CTSO: variants seen among roughly 807,000 people sequenced by gnomAD.
CTSO encodes cathepsin O.
Under a neutral mutation model 42.4 loss-of-function variants are expected in CTSO, and 40 were observed. The ratio of observed to expected loss-of-function variants is 0.94; its 90% CI spans 0.73 to 1.23. The LOEUF is 1.23. CTSO is among the 50% of genes most tolerant of loss of function. CTSO has a pLI of 0.00. For missense variants in CTSO, 441 were observed against 396.0 expected (o/e 1.11, Z -0.96); for synonymous variants, 156 against 146.2 (o/e 1.07, Z -0.48).
At chr4:155,951,288 G>A (rs1579351113) in intron 1 of CTSO, among the ~76,000 whole-genome samples, 1 of 152,116 alleles carries the variant, frequency 6.6e-6, no homozygotes, top group East Asian at 1.9e-4. Context: ...AATACCAAAT[G>A]TTCTGTGGTA....
intron 1 of CTSO, among the ~76,000 whole-genome samples, chr4:155,950,184 T>C (rs1380800402): frequency 6.6e-6 from 1 of 152,252 alleles, no homozygotes; most frequent in Non-Finnish European, 1.5e-5. Context: ...TAAAAATACA[T>C]TCTTTTGTGA....
In CTSO at chr4:155,925,932, G is replaced by T; in HGVS notation, c.*104C>A. ...CTACTAGGCCTTAGAATCTTTTGTAGGTAGTTGCTGAAACTTGAAGTTGAA... is the reference window on the plus strand; with the variant it reads ...CTACTAGGCCTTAGAATCTTTTGTATGTAGTTGCTGAAACTTGAAGTTGAA... On this transcript the variant is annotated 3_prime_UTR_variant, in exon 8 of 8. Transcript: ENST00000433477. 1 of 939,984 alleles carries T rather than the reference G, an allele frequency of 1.1e-6. No homozygotes were observed. The allele number at this position is 939,984 out of a possible 1,614,324, so 58.2% of individuals were successfully genotyped here.
intron 7 of CTSO, 66 bp from the exon 8 acceptor site, chr4:155,926,136 A>C: frequency 8.1e-7 from 1 of 1,233,600 alleles, no homozygotes. Context: ...TGTAAATTAA[A>C]GCAATTTTTC....
At chr4:155,935,193 C>G (rs986982691) in intron 5 of CTSO, among the ~76,000 whole-genome samples, 1 of 152,114 alleles carries the variant, frequency 6.6e-6, no homozygotes, top group South Asian at 2.1e-4. Context: ...CTCTTGCTGC[C>G]GCCACGTAAG....
In CTSO at chr4:155,925,755, G is replaced by C. The variant is rs146568350; in HGVS notation, c.*281C>G. On this transcript the variant is annotated 3_prime_UTR_variant, in exon 8 of 8. Coordinates refer to ENST00000433477, the MANE Select transcript of CTSO (RefSeq NM_001334.3). The stretch of plus-strand genomic sequence containing the variant: ...AAACAGTAGCCTTCCCCAGTTGCAG[G>C]GGCCTAAAATATCTCCTAATCTGAA... 11 of 390,840 alleles carry C rather than the reference G, an allele frequency of 2.8e-5. No individual in the cohort carries two copies. The highest frequency in any genetic ancestry group is 1.5e-4 in the African/African-American group (7 of 48,134). 24.2% of individuals were successfully genotyped at this position (390,840 alleles called of 1,614,324 possible).
intron 2 of CTSO, 52 bp from the exon 3 acceptor site, chr4:155,942,508 T>C: frequency 2.6e-6 from 2 of 762,870 alleles, no homozygotes; most frequent in Non-Finnish European, 3.5e-6. Flanking sequence ...TACAATATAT[T>C]ATATTATATA....
At chr4:155,935,759 TAA>T (rs772859625) in intron 5 of CTSO, among the ~76,000 whole-genome samples, 22 of 152,024 alleles carry the variant, frequency 1.4e-4, no homozygotes, top group East Asian at 1.4e-3. Context: ...CCCCAGAACT[TAA>T]AAAAAAGTCA....
intron 1 of CTSO, among the ~76,000 whole-genome samples, chr4:155,950,968 T>C (rs1743663237): frequency 6.6e-6 from 1 of 152,060 alleles, no homozygotes. Context: ...GGATAAAGCC[T>C]ATTTGGAGGA....
chr4:155,943,020 A>G (rs985383622), intron 2 of CTSO, 136 bp downstream of exon 2: 5 of 614,368 alleles, frequency 8.1e-6, no homozygotes, highest in African/African-American at 7.4e-5. Context: ...CACATGGTAC[A>G]TGCCTGACAT....
intron 1 of CTSO, among the ~76,000 whole-genome samples, chr4:155,946,701 T>A (rs536874373): frequency 6.6e-6 from 1 of 152,324 alleles, no homozygotes; most frequent in South Asian, 2.1e-4. Context: ...TTATACAAAT[T>A]GTTGACTTCC....
At chr4:155,930,828 A>G (rs528632127) in intron 5 of CTSO, among the ~76,000 whole-genome samples, 2 of 152,208 alleles carry the variant, frequency 1.3e-5, no homozygotes, top group African/African-American at 2.4e-5. Flanking sequence ...TATTAACATG[A>G]ATATCTGCTT....
At chr4:155,938,933 G>A (rs1285608681) in intron 4 of CTSO, among the ~76,000 whole-genome samples, 2 of 151,856 alleles carry the variant, frequency 1.3e-5, no homozygotes, top group Non-Finnish European at 2.9e-5. Flanking sequence ...CTCCAGCCTG[G>A]GTGACAGAGT....
In CTSO at chr4:155,928,377, A is replaced by G. The variant is rs1260099973; in HGVS notation, c.890T>C (p.Val297Ala). ...VRNSWGSSWGVDGYAHVKMGS... is the reference protein window; with the variant it reads ...VRNSWGSSWGADGYAHVKMGS... ...CATTTTGACATGGGCATAACCATCT[A>G]CTCCCCAAGAACTTCCCCAGGAATT... is the stretch of plus-strand genomic sequence containing the variant. The change falls in exon 7 of 8, where the codon GTA becomes GCA. Residue 297 changes from valine (V) to alanine (A), a missense_variant. By Grantham distance (64) the Val-to-Ala change is moderately conservative. Transcript: ENST00000433477. 2 of 1,613,110 alleles carry G rather than the reference A, an allele frequency of 1.2e-6. No individual in the cohort carries two copies. The highest frequency in any genetic ancestry group is 1.7e-5 in the Admixed American group (1 of 59,932).
chr4:155,940,401 A>G (rs930780723), intron 3 of CTSO, among the ~76,000 whole-genome samples: 2 of 152,044 alleles, frequency 1.3e-5, no homozygotes, highest in African/African-American at 4.8e-5. Context: ...AGACCAAAAA[A>G]AAAAAGGAAT....
chr4:155,925,997 C>G lies in CTSO; in HGVS notation c.*39G>C. ...ACTATGTTACATTGCATTATGAAAA[C>G]CTTCATTTTTGTAGCTGTCTCTTGA... On this transcript the variant is annotated 3_prime_UTR_variant, in exon 8 of 8. Coordinates refer to ENST00000433477, the MANE Select transcript of CTSO (RefSeq NM_001334.3). 1.3e-6 allele frequency: 2 copies of G among 1,578,184 alleles called. No individual in the cohort carries two copies. Among genetic ancestry groups the G allele is most frequent in the Non-Finnish European group, 1.7e-6 (2 of 1,154,918 alleles).
chr4:155,926,176 A>C (rs1743126795), intron 7 of CTSO, 106 bp from the exon 8 acceptor site: 1 of 718,116 alleles, frequency 1.4e-6, no homozygotes, highest in South Asian at 1.9e-5. Context: ...ATCTACTGAG[A>C]AAATAATGTA....
chr4:155,933,942 T>C (rs577566859), intron 5 of CTSO, among the ~76,000 whole-genome samples: 19 of 152,226 alleles, frequency 1.2e-4, no homozygotes, highest in African/African-American at 4.6e-4. Flanking sequence ...AAAAACCCAT[T>C]TTTTGAGGAG....
At chr4:155,949,538 C>T (rs568077147) in intron 1 of CTSO, among the ~76,000 whole-genome samples, 19 of 152,228 alleles carry the variant, frequency 1.2e-4, no homozygotes, top group African/African-American at 4.3e-4. Flanking sequence ...ACTTTATCTT[C>T]GGCACTTTAA....
intron 2 of CTSO, 45 bp downstream of exon 2, chr4:155,943,111 A>G (rs1417889445): frequency 1.8e-6 from 2 of 1,117,264 alleles, no homozygotes; most frequent in Non-Finnish European, 2.7e-6. Context: ...TTAAGCAAGC[A>G]AATTAAAATC....
Sources: allele counts gnomAD v4.1 joint callset (sites outside exome capture counted in the v4.1 genomes callset), GRCh38; gene constraint gnomAD v4.1.1; transcripts MANE v1.5; gene names NCBI Gene and HGNC (gene_info 2026-07-23, HGNC 2026-07-21).